The following LAS1L variants were observed in gnomAD, a reference collection of about 807,000 sequenced individuals.
The protein encoded by LAS1L is LAS1 like ribosome biogenesis factor.
A neutral mutation model predicts 57.3 loss-of-function variants in LAS1L; 5 were observed. That is an observed-to-expected ratio of 0.09 (90% CI 0.05 to 0.18). The LOEUF (loss-of-function observed/expected upper bound fraction) is 0.18, where lower values mean the gene tolerates loss of function less well. Ranked by LOEUF, LAS1L falls within the 10% of genes least tolerant of loss-of-function variation. LAS1L has a pLI of 1.00. For missense variants in LAS1L, 360 were observed against 568.3 expected, an observed-to-expected ratio of 0.63 and a Z score of 3.73; for synonymous variants, 245 against 231.7, an observed-to-expected ratio of 1.06 and a Z score of -0.52.
Position 65,514,847 on chromosome X carries a change from A to G in LAS1L, c.2054T>C (p.Leu685Pro). The G allele has an allele frequency of 8.3e-7, 1 of 1,199,422 alleles. No individual in the cohort carries two copies. The highest frequency in any genetic ancestry group is 1.1e-6 in the Non-Finnish European group (1 of 888,407). The change falls in exon 13 of 14, where the codon CTG (leucine) becomes CCG (proline). Residue 685 changes from leucine to proline, a missense_variant. Coordinates refer to ENST00000374811, the MANE Select transcript of LAS1L (RefSeq NM_031206.7). ...CTCAGTCTTGCATGTTGAGGGTTCC[A>G]GCCGCTGCTCTAGCACAGGCTGGTC... Reference protein sequence around the residue: ...LLDQPVLEQRLEPSTCKTDTL... With the variant: ...LLDQPVLEQRPEPSTCKTDTL...
chrX:65,524,318 G>T, intron 9 of LAS1L, 56 bp from the exon 10 acceptor site: 1 of 942,186 alleles, frequency 1.1e-6, no homozygotes, highest in South Asian at 2.1e-5. Context: ...GAGCAGGAGA[G>T]CACGAAAGAG....
rs1018190797 is a variant in LAS1L at position 65,515,806 on chromosome X, T to C, written c.1928-833A>G. 3.6e-5 allele frequency among the ~76,000 whole-genome samples: 4 copies of C among 111,533 alleles called. No homozygotes were observed. The South Asian group carries it at 1.5e-3, about 42-fold the overall frequency. ...CTTCCTGTCCCTACCTCCCCACACATGTGTACACACATAAGGAGCAATGGC... is the reference window on the plus strand; with the variant it reads ...CTTCCTGTCCCTACCTCCCCACACACGTGTACACACATAAGGAGCAATGGC... On this transcript the variant is annotated intron_variant, in intron 12 of 13. Coordinates refer to ENST00000374811, the MANE Select transcript of LAS1L (RefSeq NM_031206.7).
chrX:65,525,816 A>C (rs1027924599), intron 7 of LAS1L, among the ~76,000 whole-genome samples: 1 of 108,535 alleles, frequency 9.2e-6, no homozygotes, highest in African/African-American at 3.5e-5. Context: ...GCTCAAACCT[A>C]CACCAGCAAC....
chrX:65,532,431 G>A, intron 3 of LAS1L, 130 bp downstream of exon 3: 1 of 513,127 alleles, frequency 1.9e-6, no homozygotes, highest in Non-Finnish European at 3.4e-6. Flanking sequence ...CTGAGGCTCT[G>A]GGATTCTTGC....
chrX:65,517,891 C>A, intron 12 of LAS1L, 96 bp downstream of exon 12: 5 of 1,104,494 alleles, frequency 4.5e-6, no homozygotes. Context: ...ACATTGGCTA[C>A]CTCCTGCTAC....
At chrX:65,520,314 C>G in intron 11 of LAS1L, 2 of 303,356 alleles carry the variant, frequency 6.6e-6, no homozygotes, top group Non-Finnish European at 8.8e-6. Context: ...CTTAGAGCCT[C>G]AATGTCTTAT....
chrX:65,534,662 G>C lies in LAS1L; in HGVS notation c.54C>G (p.Leu18=), dbSNP rs760067312. 1 of 1,188,683 alleles carries C rather than the reference G, an allele frequency of 8.4e-7. No homozygotes were observed. The highest frequency in any genetic ancestry group is 1.8e-5 in the South Asian group (1 of 54,121). The change falls in exon 1 of 14, where the codon CTC becomes CTG. Residue 18 remains leucine (L), a synonymous_variant. Coordinates refer to ENST00000374811, the MANE Select transcript of LAS1L (RefSeq NM_031206.7). The part of the protein sequence containing the change: ...GPGLGSQGMD[L]VWSAWYGKCV... ...ACTTTCCGTACCACGCACTCCACAC[G>C]AGATCCATCCCCTGGGAACCTAGAC... is the stretch of plus-strand genomic sequence containing the variant.
intron 11 of LAS1L, chrX:65,518,795 A>C: frequency 1.3e-6 from 1 of 747,977 alleles, no homozygotes; most frequent in South Asian, 6.8e-5. Context: ...AATGATAGCT[A>C]TTAGTCTGCA....
intron 5 of LAS1L, 30 bp from the exon 6 acceptor site, chrX:65,529,288 C>A: frequency 8.7e-7 from 1 of 1,155,709 alleles, no homozygotes; most frequent in Non-Finnish European, 1.2e-6. Context: ...ACAGATAGGA[C>A]TGCCAGCCCA....
chrX:65,528,580 TTCC>T (rs2069298781), intron 6 of LAS1L, among the ~76,000 whole-genome samples: 1 of 112,269 alleles, frequency 8.9e-6, no homozygotes, highest in South Asian at 3.7e-4. Context: ...TCTCCCTCCC[TTCC>T]TCCTCCAACT....
Position 65,518,319 on chromosome X carries a change from A to G in LAS1L, c.1595T>C (p.Leu532Pro). 1 of 1,211,728 alleles carries G rather than the reference A, an allele frequency of 8.3e-7. No homozygotes were observed. The highest frequency in any genetic ancestry group is 1.1e-6 in the Non-Finnish European group (1 of 895,398). Residue 532 changes from leucine (L) to proline (P), a missense_variant, in exon 12 of 14, where the codon CTA becomes CCA. Around this residue, in one of 7 missense-constraint regions of LAS1L, gnomAD observed 123 missense variants for 168.3 expected, o/e 0.73. Coordinates refer to ENST00000374811, the MANE Select transcript of LAS1L (RefSeq NM_031206.7). ...CTTGACGCTCCAATACAGGCTGTCT[A>G]GTGTATATGGAGACTTCCCAATGGG... ...ASPIGKSPYT[L>P]DSLYWSVKPA... is the part of the protein sequence containing the mutation.
intron 12 of LAS1L, among the ~76,000 whole-genome samples, chrX:65,516,838 T>C (rs1293546245): frequency 1.8e-5 from 2 of 111,153 alleles, no homozygotes; most frequent in Non-Finnish European, 3.8e-5. Context: ...CTTTATGTTT[T>C]ATGTTCCAGC....
At chrX:65,518,556 C>G in intron 11 of LAS1L, 91 bp from the exon 12 acceptor site, 9 of 1,082,795 alleles carry the variant, frequency 8.3e-6, no homozygotes, top group Non-Finnish European at 9.6e-6. Context: ...GGTCTCTGAA[C>G]TTCCAGACCT....
rs767844882 is a variant in LAS1L at position 65,523,574 on chromosome X, G to A, written c.1434C>T (p.Pro478=). 8.4e-7 allele frequency: 1 copy of A among 1,185,363 alleles called. No individual in the cohort carries two copies. The highest frequency in any genetic ancestry group is 1.1e-6 in the Non-Finnish European group (1 of 882,753). Residue 478 remains proline, a synonymous_variant, in exon 11 of 14, where the codon CCC becomes CCT. Transcript: ENST00000374811. ...SCLGSPCWAS[P]QLLRIIFKAM... ...AAGAGACTTACATCCGAAGGAGTTG[G>A]GGGCTGGCCCAGCAAGGTGAGCCCA...
Position 65,512,912 on chromosome X carries a change from A to G in LAS1L, c.2079-11T>C. 8.6e-7 allele frequency: 1 copy of G among 1,160,661 alleles called. No individual in the cohort carries two copies. Among genetic ancestry groups the G allele is most frequent in the Non-Finnish European group, 1.2e-6 (1 of 868,170 alleles). On this transcript the variant is annotated splice_polypyrimidine_tract_variant and intron_variant, in intron 13 of 13. Coordinates refer to ENST00000374811, the MANE Select transcript of LAS1L (RefSeq NM_031206.7). Reference sequence around the variant, plus strand: ...CTCAGGCCCAAGGTGCTGAGGAGAGAGTGGGAGGTCAGTCAGGGAAGGAGG... The same window carrying G: ...CTCAGGCCCAAGGTGCTGAGGAGAGGGTGGGAGGTCAGTCAGGGAAGGAGG...
chrX:65,525,765 A>AAAAAAAAAAAAAAAAAAAAG (rs1556309415), intron 7 of LAS1L, among the ~76,000 whole-genome samples: 4 of 107,509 alleles, frequency 3.7e-5, no homozygotes, highest in African/African-American at 1.4e-4. Context: ...AAAAAAAAAA[A>AAAAAAAAAAAAAAAAAAAAG]AAAGAAAGAA....
intron 7 of LAS1L, among the ~76,000 whole-genome samples, chrX:65,525,748 C>CAAAAAAAAA (rs772564998): frequency 0.015 from 568 of 38,180 alleles, 64 homozygotes; most frequent in African/African-American, 0.062. Context: ...TCTGATTTTT[C>CAAAAAAAAA]AAAAAAAAAA....
At chrX:65,524,870 C>T (rs919282433) in intron 8 of LAS1L, 95 bp downstream of exon 8, 7 of 654,398 alleles carry the variant, frequency 1.1e-5, no homozygotes, top group African/African-American at 6.7e-5. Context: ...CAGGAAACAG[C>T]CTTCACACCC....
intron 7 of LAS1L, among the ~76,000 whole-genome samples, chrX:65,527,983 T>G (rs1003969125): frequency 8.5e-4 from 95 of 111,997 alleles, no homozygotes; most frequent in African/African-American, 2.9e-3. Context: ...GAGCTCCACA[T>G]GCCACCCGAC....
Sources: allele counts gnomAD v4.1 joint callset (sites outside exome capture counted in the v4.1 genomes callset), GRCh38; gene constraint gnomAD v4.1.1; regional missense constraint gnomAD v4.1.1; transcripts MANE v1.5; gene names NCBI Gene and HGNC (gene_info 2026-07-23, HGNC 2026-07-21).